The following SBF2 variants were observed in gnomAD, a reference collection of about 807,000 sequenced individuals.
SBF2 encodes myotubularin-related protein 13.
Under a neutral mutation model 225.2 loss-of-function variants are expected in SBF2, and 112 were observed. The ratio of observed to expected loss-of-function variants is 0.50; its 90% CI spans 0.43 to 0.58. SBF2 has a LOEUF of 0.58. Among genes scored for constraint, SBF2 ranks in the 20% least tolerant of loss-of-function variants. The probability of loss-of-function intolerance (pLI) is 0.00; values close to 1 mark genes in which losing one functional copy is unlikely to be tolerated. For missense variants in SBF2, 1,996 were observed against 2,206.2 expected, an observed-to-expected ratio of 0.90 and a Z score of 1.91; for synonymous variants, 763 against 773.3, an observed-to-expected ratio of 0.99 and a Z score of 0.22.
intron 28 of SBF2, chr11:9,828,091 C>A: frequency 8.5e-7 from 1 of 1,182,308 alleles, no homozygotes; most frequent in Non-Finnish European, 1.1e-6. Flanking sequence ...TTTAAGCTTG[C>A]ATCAGTGCTC....
intron 2 of SBF2, among the ~76,000 whole-genome samples, chr11:10,072,734 C>CTTTTTTTTTTTTTTT (rs912346358): frequency 8.3e-6 from 1 of 120,334 alleles, no homozygotes; most frequent in Non-Finnish European, 1.7e-5. Context: ...TTTTTTTTTT[C>CTTTTTTTTTTTTTTT]TTTTTTTTTT....
intron 17 of SBF2, among the ~76,000 whole-genome samples, 188 bp from the exon 18 acceptor site, chr11:9,858,584 T>A (rs905637098): frequency 9.2e-5 from 14 of 152,220 alleles, no homozygotes; most frequent in African/African-American, 3.4e-4. Flanking sequence ...TGCTGTTGGA[T>A]CCTTGAGAGT....
chr11:9,829,316 A>G (rs762907877), intron 28 of SBF2, 40 bp downstream of exon 28: 2 of 1,606,784 alleles, frequency 1.2e-6, no homozygotes, highest in Non-Finnish European at 1.7e-6. Context: ...CTGACCTTTC[A>G]TTAGAAGCTG....
intron 13 of SBF2, among the ~76,000 whole-genome samples, chr11:9,980,563 A>C (rs932749460): frequency 7.9e-5 from 12 of 151,978 alleles, no homozygotes; most frequent in Admixed American, 2.0e-4. Flanking sequence ...ATGAACCACT[A>C]GCAATTGATA....
At chr11:9,936,210 C>T (rs1231807556) in intron 16 of SBF2, among the ~76,000 whole-genome samples, 1 of 152,244 alleles carries the variant, frequency 6.6e-6, no homozygotes, top group Non-Finnish European at 1.5e-5. Flanking sequence ...GAATGCTCAT[C>T]ATCATTGGTC....
chr11:9,883,806 T>C (rs1017240776), intron 17 of SBF2, among the ~76,000 whole-genome samples: 1 of 152,160 alleles, frequency 6.6e-6, no homozygotes, highest in Non-Finnish European at 1.5e-5. Context: ...TCATTTTTCA[T>C]TAAGCTTTTA....
At chr11:9,881,743 C>G (rs1037285570) in intron 17 of SBF2, among the ~76,000 whole-genome samples, 6 of 151,926 alleles carry the variant, frequency 3.9e-5, no homozygotes, top group African/African-American at 9.7e-5. Flanking sequence ...CCCATCCCCC[C>G]CCAATTAAAC....
chr11:10,115,711 A>T (rs1220912123), intron 2 of SBF2, among the ~76,000 whole-genome samples: 1 of 152,226 alleles, frequency 6.6e-6, no homozygotes, highest in East Asian at 1.9e-4. Flanking sequence ...TATAGGCATT[A>T]TGAAAACACT....
At chr11:9,835,631 C>CAAAACAAAAA (rs1855685614) in intron 26 of SBF2, among the ~76,000 whole-genome samples, 1 of 62,132 alleles carries the variant, frequency 1.6e-5, no homozygotes, top group African/African-American at 6.5e-5. Flanking sequence ...GACCTTGTCT[C>CAAAACAAAAA]AAAAAAAAAA....
chr11:9,847,146 C>G, intron 22 of SBF2, 63 bp from the exon 23 acceptor site: 1 of 1,583,170 alleles, frequency 6.3e-7, no homozygotes, highest in Non-Finnish European at 8.7e-7. Flanking sequence ...AGAGTGTCTA[C>G]TGCTTACTTC....
chr11:9,958,795 G>A (rs1866368649), intron 16 of SBF2: 3 of 525,586 alleles, frequency 5.7e-6, no homozygotes, highest in South Asian at 3.6e-5. Context: ...GGCAGATGAG[G>A]GCTTCTGTCA....
intron 16 of SBF2, among the ~76,000 whole-genome samples, chr11:9,918,350 TTC>T (rs1219636162): frequency 6.6e-6 from 1 of 152,010 alleles, no homozygotes; most frequent in Non-Finnish European, 1.5e-5. Context: ...CTTGTCCATT[TTC>T]TTTTTATTTC....
At chr11:10,248,915 G>A (rs1656097777) in intron 1 of SBF2, among the ~76,000 whole-genome samples, 1 of 152,118 alleles carries the variant, frequency 6.6e-6, no homozygotes, top group Non-Finnish European at 1.5e-5. Context: ...CTAACACAGT[G>A]AAACCCCGTC....
intron 2 of SBF2, among the ~76,000 whole-genome samples, chr11:10,044,804 C>T (rs376357587): frequency 1.6e-4 from 24 of 152,312 alleles, no homozygotes; most frequent in African/African-American, 5.5e-4. Flanking sequence ...CGCTCCCTTG[C>T]GAATTGTGCA....
rs1288312315 is a variant in SBF2, at chr11:9,784,425, T to C, written c.5245A>G (p.Thr1749Ala). ...KNDENRSFEGTLYKRGALLKG... is the reference protein window; with the variant it reads ...KNDENRSFEGALYKRGALLKG... ...AGCAAAGCCCCTCTTTTATAAAGTGTTCCCTCAAAGGACCTAGAAGAAATG... is the reference window on the plus strand; with the variant it reads ...AGCAAAGCCCCTCTTTTATAAAGTGCTCCCTCAAAGGACCTAGAAGAAATG... Residue 1749 changes from threonine (T) to alanine (A), a missense_variant, in exon 38 of 40, where the codon ACA becomes GCA. Thr to Ala is a moderately conservative substitution (Grantham distance 58). Coordinates refer to ENST00000256190, the MANE Select transcript of SBF2 (RefSeq NM_030962.4). 5 of 1,613,860 alleles carry C rather than the reference T, an allele frequency of 3.1e-6. No individual in the cohort carries two copies. Among genetic ancestry groups the C allele is most frequent in the Non-Finnish European group, 4.2e-6 (5 of 1,179,702 alleles).
intron 17 of SBF2, among the ~76,000 whole-genome samples, chr11:9,875,540 T>G (rs145573410): frequency 1.5e-3 from 234 of 152,332 alleles, no homozygotes; most frequent in Middle Eastern, 6.8e-3. Context: ...AAAGAAGGCT[T>G]TGGGATTAAG....
intron 26 of SBF2, among the ~76,000 whole-genome samples, chr11:9,835,645 A>AAAAAAAAG (rs1176153197): frequency 6.6e-6 from 1 of 150,404 alleles, no homozygotes; most frequent in East Asian, 1.9e-4. Context: ...AAAAAAAAAA[A>AAAAAAAAG]AAGATTACTA....
At position 10,263,552 on chromosome 11, in the gene SBF2, C is replaced by G. The variant is rs144320887; in HGVS notation, c.55+30463G>C. Among the ~76,000 whole-genome samples the G allele has an allele frequency of 3.1e-3, 468 of 152,238 alleles. 4 individuals carry two copies. The highest frequency in any genetic ancestry group is 0.011 in the African/African-American group (447 of 41,552). ...GCAGTAACTTCTACTAGAATAAACTCTGACCTTTAAATAAGTCAGAGACTC... is the reference window on the plus strand; with the variant it reads ...GCAGTAACTTCTACTAGAATAAACTGTGACCTTTAAATAAGTCAGAGACTC... On this transcript the variant is annotated intron_variant, in intron 1 of 39. Coordinates refer to ENST00000256190, the MANE Select transcript of SBF2 (RefSeq NM_030962.4).
At chr11:10,304,801 A>G (rs946635585) in exon 1 of SBF2, 1 of 152,358 alleles carries the variant, frequency 6.6e-6, no homozygotes, top group Non-Finnish European at 1.5e-5. Context: ...GCTCCGGCGT[A>G]CTGTCTGAAC....
Sources: allele counts gnomAD v4.1 joint callset (sites outside exome capture counted in the v4.1 genomes callset), GRCh38; gene constraint gnomAD v4.1.1; transcripts MANE v1.5; gene names NCBI Gene and HGNC (gene_info 2026-07-23, HGNC 2026-07-21).